UNC13C: variants seen among roughly 807,000 people sequenced by gnomAD.
UNC13C encodes the protein protein unc-13 homolog C.
UNC13C carries 174 observed loss-of-function variants against 245.4 expected under a neutral mutation model. The observed-to-expected ratio is 0.71, with a 90% CI of 0.63 to 0.80. The LOEUF is 0.80. Among genes scored for constraint, UNC13C ranks in the 30% least tolerant of loss-of-function variants. The pLI is 0.00. For missense variants in UNC13C, 2,829 were observed against 2,602.9 expected, an observed-to-expected ratio of 1.09 and a Z score of -1.89; for synonymous variants, 992 against 895.1, an observed-to-expected ratio of 1.11 and a Z score of -1.93.
chr15:53,951,452 G>A, the UNC13C span, among the ~76,000 whole-genome samples: 1 of 152,222 alleles, frequency 6.6e-6, no homozygotes, highest in Non-Finnish European at 1.5e-5. Context: ...CTCCATTACA[G>A]ATTAATTAAA....
At chr15:53,940,143 G>A in the UNC13C span, among the ~76,000 whole-genome samples, 1 of 152,120 alleles carries the variant, frequency 6.6e-6, no homozygotes, top group Admixed American at 6.5e-5. Context: ...GCTTCACCAT[G>A]GCACTTAGAT....
chr15:54,098,253 C>A (rs1899980198), intron 2 of UNC13C, among the ~76,000 whole-genome samples: 1 of 152,156 alleles, frequency 6.6e-6, no homozygotes, highest in Admixed American at 6.5e-5. Flanking sequence ...TGGCTCACTG[C>A]AACCTCTGCC....
intron 4 of UNC13C, among the ~76,000 whole-genome samples, chr15:54,167,936 C>T (rs557173485): frequency 9.2e-5 from 14 of 152,214 alleles, no homozygotes; most frequent in Middle Eastern, 3.4e-3. Flanking sequence ...TACTATGCAC[C>T]TACCAAAATG....
At chr15:54,183,034 CTA>C (rs1156899504) in intron 4 of UNC13C, among the ~76,000 whole-genome samples, 1 of 150,904 alleles carries the variant, frequency 6.6e-6, no homozygotes, top group East Asian at 1.9e-4. Context: ...AGAATAACCA[CTA>C]TAATAAAATA....
intron 24 of UNC13C, among the ~76,000 whole-genome samples, chr15:54,521,064 G>A (rs1295844693): frequency 6.6e-6 from 1 of 152,106 alleles, no homozygotes; most frequent in Admixed American, 6.6e-5. Context: ...AGAGATAATT[G>A]ATGGAACAAA....
At chr15:54,103,693 C>T (rs1367333500) in intron 2 of UNC13C, among the ~76,000 whole-genome samples, 1 of 152,064 alleles carries the variant, frequency 6.6e-6, no homozygotes, top group African/African-American at 2.4e-5. Flanking sequence ...ACCATCAGAC[C>T]TATCAGACAA....
chr15:54,317,175 A>T (rs551175518), intron 13 of UNC13C, among the ~76,000 whole-genome samples: 1 of 152,008 alleles, frequency 6.6e-6, no homozygotes, highest in Non-Finnish European at 1.5e-5. Context: ...CATTGAAGTT[A>T]TTTTTAAAAG....
intron 16 of UNC13C, among the ~76,000 whole-genome samples, chr15:54,336,588 A>T (rs1453787663): frequency 6.6e-6 from 1 of 151,448 alleles, no homozygotes; most frequent in East Asian, 1.9e-4. Context: ...TTTACCTTTT[A>T]TATTTGGGCA....
At chr15:54,546,554 A>G (rs1386889101) in intron 26 of UNC13C, among the ~76,000 whole-genome samples, 168 bp from the exon 27 acceptor site, 3 of 152,210 alleles carry the variant, frequency 2.0e-5, no homozygotes, top group African/African-American at 7.2e-5. Context: ...TTTTCCATCA[A>G]ATATAGAGAA....
At chr15:54,445,732 T>A (rs1469877731) in intron 19 of UNC13C, among the ~76,000 whole-genome samples, 4 of 152,002 alleles carry the variant, frequency 2.6e-5, no homozygotes, top group African/African-American at 9.7e-5. Context: ...TTTTCTCCCA[T>A]TCTGTAGGTT....
chr15:54,591,905 T>A (rs1262102520), intron 30 of UNC13C, among the ~76,000 whole-genome samples: 2 of 152,184 alleles, frequency 1.3e-5, no homozygotes, highest in Non-Finnish European at 1.5e-5. Context: ...GTGTGCTCTT[T>A]CAATGTTTTT....
chr15:54,079,577 T>A (rs1243390492), intron 2 of UNC13C, among the ~76,000 whole-genome samples: 1 of 152,096 alleles, frequency 6.6e-6, no homozygotes, highest in Non-Finnish European at 1.5e-5. Context: ...GTGGCTATTA[T>A]AAATGGGATT....
intron 20 of UNC13C, 124 bp downstream of exon 20, chr15:54,494,858 T>C (rs1441963094): frequency 8.4e-7 from 1 of 1,195,440 alleles, no homozygotes; most frequent in Non-Finnish European, 1.2e-6. Context: ...AAATTTCCAT[T>C]ATGAAGTTAA....
the UNC13C span, among the ~76,000 whole-genome samples, chr15:53,938,860 A>G: frequency 1.3e-5 from 2 of 152,202 alleles, no homozygotes; most frequent in East Asian, 3.8e-4. Flanking sequence ...CACTGTTAAG[A>G]GGGAAATTTA....
In UNC13C at chr15:54,335,499, A is replaced by C. The variant is rs1365719061; in HGVS notation, c.4584+1643A>C. 2.0e-5 allele frequency among the ~76,000 whole-genome samples: 3 copies of C among 152,170 alleles called. No homozygotes were observed. The East Asian group carries it at 5.8e-4, about 29-fold the overall frequency. ...TAGTCATATAACCACCAGAGCAATA[A>C]GATACAGAACAGTTCCATGAGCCTA... On this transcript the variant is annotated intron_variant, in intron 16 of 32. Transcript: ENST00000260323.
chr15:54,544,656 G>A (rs886197409), intron 26 of UNC13C, among the ~76,000 whole-genome samples: 1 of 152,028 alleles, frequency 6.6e-6, no homozygotes, highest in East Asian at 1.9e-4. Context: ...ACCAATAATA[G>A]AAAAACAGAG....
the UNC13C span, among the ~76,000 whole-genome samples, chr15:53,967,497 A>G: frequency 6.6e-6 from 1 of 152,052 alleles, no homozygotes; most frequent in Non-Finnish European, 1.5e-5. Flanking sequence ...ATTTCCTCTC[A>G]TACAAAAGCA....
At chr15:54,331,184 A>G (rs1053504753) in intron 14 of UNC13C, among the ~76,000 whole-genome samples, 5 of 152,060 alleles carry the variant, frequency 3.3e-5, no homozygotes, top group Non-Finnish European at 7.4e-5. Flanking sequence ...TAATGTTGGC[A>G]GGGGCATTTT....
At chr15:54,043,982 T>G (rs1896920739) in intron 2 of UNC13C, among the ~76,000 whole-genome samples, 1 of 152,236 alleles carries the variant, frequency 6.6e-6, no homozygotes, top group Non-Finnish European at 1.5e-5. Flanking sequence ...TCAATAATTT[T>G]TAGCATATTT....
Sources: gnomAD v4.1 joint callset for allele counts (sites outside exome capture counted in the v4.1 genomes callset) on GRCh38, gnomAD v4.1.1 for gene constraint, MANE v1.5 for transcripts, NCBI Gene and HGNC (gene_info 2026-07-23, HGNC 2026-07-21) for gene names.